Variants in MEGF11 observed in about 807,000 individuals in gnomAD.
MEGF11 encodes the protein multiple epidermal growth factor-like domains protein 11.
A neutral mutation model predicts 146.6 loss-of-function variants in MEGF11; 126 were observed. The ratio of observed to expected loss-of-function variants is 0.86; its 90% CI spans 0.74 to 1.00. The LOEUF (loss-of-function observed/expected upper bound fraction) is 1.00. Ranked by LOEUF, MEGF11 falls within the 50% of genes least tolerant of loss-of-function variation. The pLI is 0.00. For missense variants in MEGF11, 1,509 were observed against 1,521.2 expected (o/e 0.99, Z 0.13); for synonymous variants, 532 against 583.4 (o/e 0.91, Z 1.27).
chr15:65,977,827 A>G (rs1313687412), intron 7 of MEGF11, among the ~76,000 whole-genome samples: 2 of 150,714 alleles, frequency 1.3e-5, no homozygotes, highest in South Asian at 4.2e-4. Context: ...AAGACTGTGA[A>G]CTCCTAAGGG....
Position 65,897,725 on chromosome 15 carries a change from T to C in MEGF11, c.*209A>G, listed in dbSNP as rs756760966. On this transcript the variant is annotated 3_prime_UTR_variant, in exon 26 of 26. Transcript: ENST00000395614. ...TCATATAATCCAGGGCATTTGGGGC[T>C]GAGTGGGTGATAGGATTTGCCTTTG... 6.8e-6 allele frequency: 3 copies of C among 438,302 alleles called. No homozygotes were observed. The highest frequency in any genetic ancestry group is 1.2e-5 in the Non-Finnish European group (3 of 250,708). The allele number at this position is 438,302 out of a possible 1,614,324, so 27.2% of individuals were successfully genotyped here.
intron 1 of MEGF11, among the ~76,000 whole-genome samples, chr15:66,166,059 C>A (rs773103002): frequency 5.9e-5 from 9 of 152,184 alleles, no homozygotes; most frequent in Non-Finnish European, 1.2e-4. Flanking sequence ...TGTCATCAGA[C>A]GGTGCCCATA....
chr15:66,226,912 G>A (rs1237270897), intron 1 of MEGF11, among the ~76,000 whole-genome samples: 2 of 152,156 alleles, frequency 1.3e-5, no homozygotes, highest in African/African-American at 2.4e-5. Context: ...GGCTCTGCTG[G>A]GAGGACAGGT....
At position 65,909,746 on chromosome 15, in the gene MEGF11, C is replaced by A; in HGVS notation, c.2890G>T (p.Val964Leu). The A allele has an allele frequency of 1.9e-6, 3 of 1,578,850 alleles. No homozygotes were observed. The African/African-American group carries it at 4.0e-5, about 21-fold the overall frequency. ...GACTCACACCACTACTGACCTAACACGTTCACATAGCTGTAGGGGGTCCAG... is the reference window on the plus strand; with the variant it reads ...GACTCACACCACTACTGACCTAACAAGTTCACATAGCTGTAGGGGGTCCAG... ...AGWTPYSYVNVLDSHFQISAL... is the reference protein window; with the variant it reads ...AGWTPYSYVNLLDSHFQISAL... The change falls in exon 22 of 26, where the codon GTG becomes TTG. Residue 964 changes from valine (V) to leucine (L), a missense_variant. Coordinates refer to ENST00000395614, the MANE Select transcript of MEGF11 (RefSeq NM_001385028.1).
At chr15:65,955,739 TAAAAAAAAA>T (rs1189666912) in intron 10 of MEGF11, among the ~76,000 whole-genome samples, 4 of 9,734 alleles carry the variant, frequency 4.1e-4, no homozygotes, top group African/African-American at 2.4e-3. Flanking sequence ...GTGAGACTCT[TAAAAAAAAA>T]AAAAAAAAAA....
At chr15:66,083,739 T>C (rs2085989357) in intron 5 of MEGF11, among the ~76,000 whole-genome samples, 1 of 151,854 alleles carries the variant, frequency 6.6e-6, no homozygotes, top group African/African-American at 2.4e-5. Flanking sequence ...CATAGTGAGA[T>C]CCTGTATTTA....
intron 5 of MEGF11, among the ~76,000 whole-genome samples, chr15:65,988,893 G>A (rs2081951100): frequency 6.6e-6 from 1 of 152,192 alleles, no homozygotes; most frequent in Admixed American, 6.5e-5. Flanking sequence ...GCTGTCAGCA[G>A]TGCTGTTGAA....
chr15:65,931,152 C>G (rs1484260407), intron 10 of MEGF11, among the ~76,000 whole-genome samples: 1 of 152,100 alleles, frequency 6.6e-6, no homozygotes, highest in Non-Finnish European at 1.5e-5. Flanking sequence ...CAGGGGTTAT[C>G]CAGGTGGGCT....
At chr15:66,081,343 G>A (rs530876947) in intron 5 of MEGF11, among the ~76,000 whole-genome samples, 26 of 152,184 alleles carry the variant, frequency 1.7e-4, no homozygotes, top group African/African-American at 2.4e-4. Flanking sequence ...AACATCATGA[G>A]CTGTCACAGT....
chr15:66,021,979 C>A (rs1427555491), intron 5 of MEGF11, among the ~76,000 whole-genome samples: 3 of 152,164 alleles, frequency 2.0e-5, no homozygotes, highest in Admixed American at 6.5e-5. Context: ...CAGGGAGGAA[C>A]AAGCCATGTG....
At chr15:66,076,281 T>A (rs576079977) in intron 5 of MEGF11, among the ~76,000 whole-genome samples, 5 of 151,066 alleles carry the variant, frequency 3.3e-5, no homozygotes, top group African/African-American at 1.2e-4. Context: ...GAGGGATTGG[T>A]CTCAAAAGAA....
At chr15:66,025,181 T>A (rs2083285058) in intron 5 of MEGF11, among the ~76,000 whole-genome samples, 1 of 152,178 alleles carries the variant, frequency 6.6e-6, no homozygotes, top group South Asian at 2.1e-4. Context: ...TTCCAGCAAG[T>A]CTATGCAAAA....
chr15:65,959,180 T>TG (rs2080768628), intron 9 of MEGF11, among the ~76,000 whole-genome samples: 1 of 152,228 alleles, frequency 6.6e-6, no homozygotes. Context: ...TGCAGCTCCG[T>TG]GGGGGAGAGC....
chr15:65,910,814 C>T (rs913587251), intron 21 of MEGF11, among the ~76,000 whole-genome samples: 17 of 152,260 alleles, frequency 1.1e-4, no homozygotes, highest in Admixed American at 2.0e-4. Flanking sequence ...GAAAGCCATG[C>T]TTTTGTCCCT....
intron 5 of MEGF11, among the ~76,000 whole-genome samples, chr15:66,041,647 C>G (rs1239394551): frequency 6.6e-6 from 1 of 152,204 alleles, no homozygotes; most frequent in Non-Finnish European, 1.5e-5. Flanking sequence ...CTTTTGCTCT[C>G]CAATAGCAGA....
intron 5 of MEGF11, among the ~76,000 whole-genome samples, chr15:65,988,666 A>G (rs1197961290): frequency 6.6e-6 from 1 of 152,256 alleles, no homozygotes; most frequent in Non-Finnish European, 1.5e-5. Context: ...TGTACTAGGA[A>G]TAATAAATAA....
At chr15:66,244,832 A>T (rs1380136859) in intron 1 of MEGF11, among the ~76,000 whole-genome samples, 1 of 152,192 alleles carries the variant, frequency 6.6e-6, no homozygotes. Context: ...TGATTTATTA[A>T]TTCAACAAAT....
At chr15:66,198,625 A>G (rs2091070103) in intron 1 of MEGF11, among the ~76,000 whole-genome samples, 1 of 151,550 alleles carries the variant, frequency 6.6e-6, no homozygotes, top group South Asian at 2.1e-4. Context: ...AGCTGGGACT[A>G]CAGGCATGCA....
chr15:65,957,567 T>C lies in MEGF11; in HGVS notation c.1267A>G (p.Thr423Ala), dbSNP rs1230652406. ...ADCHSITGGC[T>A]CAPGFMGEVC... ...CTTACCATGAAGCCCGGAGCACAAG[T>C]GCAGCCCCCAGTGATGCTGTGGCAG... Residue 423 changes from threonine (T) to alanine (A), a missense_variant, in exon 10 of 26, where the codon ACT becomes GCT. Transcript: ENST00000395614. 8.7e-6 allele frequency: 14 copies of C among 1,613,660 alleles called. No individual in the cohort carries two copies. The highest frequency in any genetic ancestry group is 1.1e-5 in the Non-Finnish European group (13 of 1,179,792).
Sources: allele counts gnomAD v4.1 joint callset (sites outside exome capture counted in the v4.1 genomes callset), GRCh38; gene constraint gnomAD v4.1.1; transcripts MANE v1.5; gene names NCBI Gene and HGNC (gene_info 2026-07-23, HGNC 2026-07-21).